RSU1: variants seen among roughly 807,000 people sequenced by gnomAD.
RSU1 encodes rsu-1.
RSU1 carries 26 observed loss-of-function variants against 31.1 expected under a neutral mutation model. The observed-to-expected ratio is 0.84, with a 90% confidence interval of 0.61 to 1.16. The LOEUF (loss-of-function observed/expected upper bound fraction) is 1.16. RSU1 is among the 50% of genes most tolerant of loss of function. The probability of loss-of-function intolerance (pLI) is 0.00; values close to 1 mark genes in which losing one functional copy is unlikely to be tolerated. For synonymous variants in RSU1, 164 were observed against 136.3 expected (o/e 1.20, Z -1.41); for missense variants, 320 against 339.1 (o/e 0.94, Z 0.44).
At chr10:16,600,392 C>G (rs547190702) in intron 8 of RSU1, among the ~76,000 whole-genome samples, 1 of 152,254 alleles carries the variant, frequency 6.6e-6, no homozygotes, top group Admixed American at 6.5e-5. Context: ...TTAAAACAGC[C>G]TGCAGACAGG....
At chr10:16,667,934 CG>C (rs1203013564) in intron 8 of RSU1, among the ~76,000 whole-genome samples, 5 of 151,998 alleles carry the variant, frequency 3.3e-5, no homozygotes, top group Admixed American at 2.0e-4. Flanking sequence ...TAGAAAAAAA[CG>C]TATTAATCAA....
intron 8 of RSU1, among the ~76,000 whole-genome samples, chr10:16,674,167 T>C (rs1240229739): frequency 6.6e-6 from 1 of 152,100 alleles, no homozygotes; most frequent in East Asian, 1.9e-4. Flanking sequence ...CCCCTCCCCC[T>C]GGCCCCCGAT....
intron 8 of RSU1, among the ~76,000 whole-genome samples, chr10:16,675,308 T>C (rs1219293504): frequency 6.6e-6 from 1 of 152,194 alleles, no homozygotes; most frequent in Non-Finnish European, 1.5e-5. Context: ...AAAGGTTTTG[T>C]AGTTATGTCT....
At chr10:16,646,957 G>C (rs1195577452) in intron 8 of RSU1, among the ~76,000 whole-genome samples, 2 of 151,860 alleles carry the variant, frequency 1.3e-5, no homozygotes, top group Non-Finnish European at 2.9e-5. Flanking sequence ...ACATGTGTTG[G>C]CCAGGATGTG....
intron 4 of RSU1, among the ~76,000 whole-genome samples, chr10:16,759,424 T>G: frequency 6.6e-6 from 1 of 152,030 alleles, no homozygotes; most frequent in East Asian, 1.9e-4. Flanking sequence ...GGAGGATCAT[T>G]TGAGCCCAGG....
intron 8 of RSU1, among the ~76,000 whole-genome samples, chr10:16,624,623 C>A (rs555657805): frequency 1.3e-5 from 2 of 152,226 alleles, no homozygotes; most frequent in East Asian, 1.9e-4. Flanking sequence ...GCTCCCTGAC[C>A]CCCATAATGC....
Position 16,695,022 on chromosome 10 carries a change from C to G in RSU1, c.731+1G>C, listed in dbSNP as rs762307121. The G allele has an allele frequency of 6.2e-7, 1 of 1,607,844 alleles. No individual in the cohort carries two copies. Among genetic ancestry groups the G allele is most frequent in the African/African-American group, 1.3e-5 (1 of 74,462 alleles). ...ATTTCAGAAAATCAGAGTCTACTTACTATTTGTATGTCTCAGAACGGATAT... is the reference window on the plus strand; with the variant it reads ...ATTTCAGAAAATCAGAGTCTACTTAGTATTTGTATGTCTCAGAACGGATAT... On this transcript the variant is annotated splice_donor_variant, in intron 8 of 8. Coordinates refer to ENST00000345264, the MANE Select transcript of RSU1 (RefSeq NM_012425.4). LOFTEE classifies it high-confidence loss of function.
intron 8 of RSU1, among the ~76,000 whole-genome samples, chr10:16,694,039 G>T (rs1835622040): frequency 1.3e-5 from 2 of 152,032 alleles, no homozygotes; most frequent in Non-Finnish European, 1.5e-5. Flanking sequence ...TTTTGCAGCT[G>T]GGGGCTGGGA....
intron 7 of RSU1, among the ~76,000 whole-genome samples, chr10:16,732,119 A>AACC (rs202051931): frequency 1.7e-5 from 1 of 59,582 alleles, no homozygotes; most frequent in Non-Finnish European, 2.9e-5. Flanking sequence ...ACTGAATGAA[A>AACC]AGCAGTTCTG....
intron 7 of RSU1, among the ~76,000 whole-genome samples, chr10:16,726,272 T>G (rs1425693008): frequency 1.3e-5 from 2 of 149,986 alleles, no homozygotes; most frequent in African/African-American, 5.0e-5. Flanking sequence ...CGTATCTTTT[T>G]TTTTTTTTTT....
At chr10:16,748,041 G>A (rs1354904253) in intron 7 of RSU1, 3 of 152,378 alleles carry the variant, frequency 2.0e-5, no homozygotes, top group South Asian at 4.1e-4. Context: ...GTCTAAATAA[G>A]AAAGTCAGAT....
At chr10:16,690,382 CCT>C (rs1160095526) in intron 8 of RSU1, among the ~76,000 whole-genome samples, 7 of 152,006 alleles carry the variant, frequency 4.6e-5, no homozygotes, top group African/African-American at 1.7e-4. Context: ...AACAAGTTCC[CCT>C]GTGGAAGGCA....
chr10:16,657,261 T>C (rs1834801910), intron 8 of RSU1, among the ~76,000 whole-genome samples: 2 of 152,198 alleles, frequency 1.3e-5, no homozygotes. Flanking sequence ...TTCCCTAAGA[T>C]GGTAACTCCT....
chr10:16,752,778 C>A, intron 6 of RSU1, 125 bp from the exon 7 acceptor site: 2 of 1,023,502 alleles, frequency 2.0e-6, no homozygotes, highest in Non-Finnish European at 1.5e-6. Context: ...CAAGTGCCGG[C>A]GGATAATCAA....
At position 16,764,573 on chromosome 10, in the gene RSU1, G is replaced by A. The variant is rs1300782235; in HGVS notation, c.161-63C>T. 20 of 1,508,758 alleles carry A rather than the reference G, an allele frequency of 1.3e-5. No individual in the cohort carries two copies. In the Admixed American group the frequency reaches 2.2e-4, roughly 17 times the overall value. 93.5% of individuals were successfully genotyped at this position (1,508,758 alleles called of 1,614,324 possible). ...GGAACTCCTAGCAAGGGATGGCAGC[G>A]GCACATTTTGTTTTTCTTTCAAAGC... On this transcript the variant is annotated intron_variant, in intron 3 of 8. Transcript: ENST00000345264.
intron 8 of RSU1, among the ~76,000 whole-genome samples, chr10:16,634,661 G>A (rs961660171): frequency 3.9e-5 from 6 of 152,094 alleles, no homozygotes; most frequent in African/African-American, 7.2e-5. Context: ...TGTACACAGA[G>A]GTGTCTTTCT....
intron 7 of RSU1, among the ~76,000 whole-genome samples, chr10:16,714,709 T>C (rs939019675): frequency 2.0e-5 from 3 of 151,896 alleles, no homozygotes; most frequent in Non-Finnish European, 4.4e-5. Context: ...CAGGTACCTG[T>C]GTGAATGTGG....
chr10:16,763,605 G>A (rs149670145), intron 4 of RSU1, among the ~76,000 whole-genome samples: 163 of 152,214 alleles, frequency 1.1e-3, no homozygotes, highest in Middle Eastern at 0.01. Flanking sequence ...GAGATTTGCT[G>A]GGGACACAGA....
chr10:16,605,482 T>C (rs1036140442), intron 8 of RSU1, among the ~76,000 whole-genome samples: 3 of 152,196 alleles, frequency 2.0e-5, no homozygotes, highest in Non-Finnish European at 2.9e-5. Flanking sequence ...GGATCCCAAC[T>C]GGATCATTAG....
Sources: gnomAD v4.1 joint callset for allele counts (sites outside exome capture counted in the v4.1 genomes callset) on GRCh38, gnomAD v4.1.1 for gene constraint, MANE v1.5 for transcripts, NCBI Gene and HGNC (gene_info 2026-07-23, HGNC 2026-07-21) for gene names.